Variants in PADI1 observed in about 807,000 individuals in gnomAD.
The protein encoded by PADI1 is peptidyl arginine deiminase 1.
A neutral mutation model predicts 74.8 loss-of-function variants in PADI1; 65 were observed. That is an observed-to-expected ratio of 0.87 (90% confidence interval 0.71 to 1.07). PADI1 has a LOEUF of 1.07. PADI1 is among the 50% of genes least tolerant of loss of function. The probability of loss-of-function intolerance (pLI) is 0.00; values close to 1 mark genes in which losing one functional copy is unlikely to be tolerated. For missense variants in PADI1, 943 were observed against 854.0 expected, an observed-to-expected ratio of 1.10 and a Z score of -1.30; for synonymous variants, 371 against 336.2, an observed-to-expected ratio of 1.10 and a Z score of -1.13.
At chr1:17,227,579 A>T (rs115917714) in intron 6 of PADI1, among the ~76,000 whole-genome samples, 7,563 of 137,048 alleles carry the variant, frequency 0.055, 218 homozygotes, top group Middle Eastern at 0.11. Context: ...ATAAATAAAT[A>T]AATTACCACT....
At chr1:17,233,127 C>G (rs1036829840) in intron 11 of PADI1, among the ~76,000 whole-genome samples, 157 bp downstream of exon 11, 2 of 152,198 alleles carry the variant, frequency 1.3e-5, no homozygotes, top group East Asian at 1.9e-4. Flanking sequence ...CCTAGGATCT[C>G]AGATTTAAAA....
chr1:17,223,488 G>A (rs957282686), intron 2 of PADI1, 133 bp from the exon 3 acceptor site: 48 of 699,442 alleles, frequency 6.9e-5, no homozygotes, highest in Non-Finnish European at 1.0e-4. Context: ...TGAGTCTTGG[G>A]ACTTCAGAGA....
Position 17,205,268 on chromosome 1 carries a change from C to T in PADI1, c.51C>T (p.Ala17=), listed in dbSNP as rs2293911. The part of the protein sequence containing the change: ...VQLSLKMPTH[A]VCVVGVEAHV... The stretch of plus-strand genomic sequence containing the variant: ...TGTCCCTGAAGATGCCTACCCATGC[C>T]GTGTGTGTGGTGGGAGTCGAGGCAC... Residue 17 remains alanine, a synonymous_variant, in exon 1 of 16, where the codon GCC becomes GCT. Transcript: ENST00000375471. The T allele has an allele frequency of 0.074, 119,959 of 1,613,560 alleles. 4,879 individuals carry two copies. The highest frequency in any genetic ancestry group is 0.085 in the Middle Eastern group (518 of 6,060).
chr1:17,230,144 T>G lies in PADI1; in HGVS notation c.989T>G (p.Leu330Trp). 1.2e-6 allele frequency: 2 copies of G among 1,614,146 alleles called. No homozygotes were observed. The highest frequency in any genetic ancestry group is 2.2e-5 in the South Asian group (2 of 91,084). ...KFLEDMSYLT[L>W]KANCKLTICP... The stretch of plus-strand genomic sequence containing the variant: ...CTGGAGGACATGTCTTATCTGACAT[T>G]GAAAGCCAACTGCAAGCTGACCATC... Residue 330 changes from leucine (L) to tryptophan (W), a missense_variant, in exon 9 of 16, where the codon TTG (leucine) becomes TGG (tryptophan). Physicochemically the swap from Leu to Trp is moderately conservative, Grantham distance 61. Coordinates refer to ENST00000375471, the MANE Select transcript of PADI1 (RefSeq NM_013358.3).
At chr1:17,211,128 T>C (rs2977274) in intron 1 of PADI1, among the ~76,000 whole-genome samples, 114,585 of 152,106 alleles carry the variant, frequency 0.75, 43,759 homozygotes, top group East Asian at 0.96. Context: ...TCCTCTTTTG[T>C]CCGGGTCTGC....
At chr1:17,205,576 C>A (rs1271576758) in intron 1 of PADI1, among the ~76,000 whole-genome samples, 4 of 152,100 alleles carry the variant, frequency 2.6e-5, no homozygotes, top group African/African-American at 4.8e-5. Context: ...TAACTCTGAG[C>A]CCTGGGGTCA....
rs1158211256 is a variant in PADI1, at chr1:17,229,182, G to A, written c.929+131G>A. ...GGCACCCATTCAGGCAGAGCTGGTG[G>A]CAGGACAGCAGCAGGTGGGCTGGGG... is the stretch of plus-strand genomic sequence containing the variant. On this transcript the variant is annotated intron_variant, in intron 8 of 15. Transcript: ENST00000375471. The A allele has an allele frequency of 6.0e-6, 4 of 667,792 alleles. No homozygotes were observed. In the East Asian group the frequency reaches 8.2e-5, roughly 14 times the overall value. The allele number at this position is 667,792 out of a possible 1,614,324, so 41.4% of individuals were successfully genotyped here.
Position 17,225,863 on chromosome 1 carries a change from G to A in PADI1, c.461G>A (p.Cys154Tyr). The A allele has an allele frequency of 1.2e-6, 2 of 1,614,148 alleles. No individual in the cohort carries two copies. Among genetic ancestry groups the A allele is most frequent in the South Asian group, 1.1e-5 (1 of 91,078 alleles). ...TATGGGGCTATCTTGCTGGTGAACTGTGACCGGGACAATCACAGGTCCGCA... is the reference window on the plus strand; with the variant it reads ...TATGGGGCTATCTTGCTGGTGAACTATGACCGGGACAATCACAGGTCCGCA... The part of the protein sequence containing the change: ...EGYGAILLVN[C>Y]DRDNHRSAEP... Residue 154 changes from cysteine (C) to tyrosine (Y), a missense_variant, in exon 5 of 16, where the codon TGT (cysteine) becomes TAT (tyrosine). Coordinates refer to ENST00000375471, the MANE Select transcript of PADI1 (RefSeq NM_013358.3).
chr1:17,219,222 A>G (rs921489881), intron 1 of PADI1, among the ~76,000 whole-genome samples: 5 of 151,954 alleles, frequency 3.3e-5, no homozygotes, highest in Non-Finnish European at 5.9e-5. Flanking sequence ...GGAGTGGAGC[A>G]AGGGGGTGGC....
At chr1:17,235,478 C>T (rs922852821) in intron 11 of PADI1, among the ~76,000 whole-genome samples, 2 of 152,204 alleles carry the variant, frequency 1.3e-5, no homozygotes, top group South Asian at 2.1e-4. Flanking sequence ...GGGGGCTCTG[C>T]GGGTCCAGCT....
intron 3 of PADI1, among the ~76,000 whole-genome samples, 170 bp from the exon 4 acceptor site, chr1:17,224,197 G>A (rs1203711920): frequency 1.3e-5 from 2 of 152,200 alleles, no homozygotes; most frequent in Non-Finnish European, 2.9e-5. Flanking sequence ...CCAACTCCCA[G>A]AACCACAGGG....
At chr1:17,221,208 G>C (rs2072139225) in intron 1 of PADI1, among the ~76,000 whole-genome samples, 1 of 152,226 alleles carries the variant, frequency 6.6e-6, no homozygotes, top group Non-Finnish European at 1.5e-5. Flanking sequence ...CAGAAAGTGA[G>C]AATGCATCCA....
At chr1:17,223,468 C>A (rs1456290971) in intron 2 of PADI1, 153 bp from the exon 3 acceptor site, 8 of 629,582 alleles carry the variant, frequency 1.3e-5, no homozygotes, top group South Asian at 7.6e-5. Flanking sequence ...GAATCCCAGC[C>A]GGGAGCCCTT....
At chr1:17,230,900 G>T (rs970836144) in intron 10 of PADI1, among the ~76,000 whole-genome samples, 1 of 152,212 alleles carries the variant, frequency 6.6e-6, no homozygotes. Flanking sequence ...CAGCCTGATT[G>T]TTCCTGTGTT....
At position 17,225,911 on chromosome 1, in the gene PADI1, G is replaced by A; in HGVS notation, c.509G>A (p.Trp170Ter). Residue 170 changes from tryptophan to a stop codon, truncating the protein, a stop_gained, in exon 5 of 16, where the codon TGG (tryptophan) becomes TAG (stop). Coordinates refer to ENST00000375471, the MANE Select transcript of PADI1 (RefSeq NM_013358.3). LOFTEE classifies it high-confidence loss of function. ...RSAEPDLTHS[W>*]LMSLADLQDM... ...GCAGAGCCTGACCTCACCCACAGCT[G>A]GCTGATGTCGCTGGCTGGTGAGTGA... The A allele has an allele frequency of 1.2e-6, 2 of 1,614,004 alleles. No individual in the cohort carries two copies. Among genetic ancestry groups the A allele is most frequent in the Non-Finnish European group, 1.7e-6 (2 of 1,179,920 alleles).
At chr1:17,223,575 A>G (rs377038732) in intron 2 of PADI1, 46 bp from the exon 3 acceptor site, 10 of 1,498,946 alleles carry the variant, frequency 6.7e-6, no homozygotes, top group Non-Finnish European at 9.3e-6. Flanking sequence ...TGCCTCCGCC[A>G]TCTCTGAAGG....
intron 3 of PADI1, 81 bp from the exon 4 acceptor site, chr1:17,224,286 A>C: frequency 4.1e-6 from 5 of 1,228,438 alleles, no homozygotes; most frequent in Non-Finnish European, 4.7e-6. Flanking sequence ...GGGAGGGGTC[A>C]GAGTTTGCCC....
At chr1:17,243,927 T>A (rs1390138226) in intron 15 of PADI1, 83 bp from the exon 16 acceptor site, 1 of 938,436 alleles carries the variant, frequency 1.1e-6, no homozygotes, top group Non-Finnish European at 1.7e-6. Context: ...CCCCAGGGCC[T>A]GTCTCATTCT....
chr1:17,232,767 TC>T, intron 10 of PADI1, 51 bp from the exon 11 acceptor site: 1 of 1,558,478 alleles, frequency 6.4e-7, no homozygotes, highest in Non-Finnish European at 8.7e-7. Flanking sequence ...CCTCGTCCTG[TC>T]CTCACTGACC....
Sources: allele counts gnomAD v4.1 joint callset (sites outside exome capture counted in the v4.1 genomes callset), GRCh38; gene constraint gnomAD v4.1.1; transcripts MANE v1.5; gene names NCBI Gene and HGNC (gene_info 2026-07-23, HGNC 2026-07-21).